Variants in INPP5D observed in about 807,000 individuals in gnomAD.
INPP5D encodes phosphatidylinositol 3,4,5-trisphosphate 5-phosphatase 1.
Under a neutral mutation model 122.9 loss-of-function variants are expected in INPP5D, and 33 were observed. The observed-to-expected ratio is 0.27, with a 90% CI of 0.20 to 0.36. INPP5D has a LOEUF of 0.36. INPP5D is among the 10% of genes least tolerant of loss of function. The probability of loss-of-function intolerance (pLI) is 1.00; values close to 1 mark genes in which losing one functional copy is unlikely to be tolerated. For missense variants in INPP5D, 1,053 were observed against 1,412.7 expected (o/e 0.75, Z 4.08); for synonymous variants, 584 against 576.2 (o/e 1.01, Z -0.19).
At chr2:233,124,070 T>A (rs1034918530) in intron 3 of INPP5D, among the ~76,000 whole-genome samples, 2 of 152,040 alleles carry the variant, frequency 1.3e-5, no homozygotes, top group African/African-American at 4.8e-5. Context: ...TAAGTTTACT[T>A]ATGTAACAAA....
chr2:233,126,512 A>G (rs73105541), intron 4 of INPP5D, among the ~76,000 whole-genome samples: 10,051 of 152,240 alleles, frequency 0.066, 531 homozygotes, highest in East Asian at 0.18. Flanking sequence ...TCCAGCCTGA[A>G]TTCTGTGCAC....
intron 2 of INPP5D, among the ~76,000 whole-genome samples, chr2:233,090,490 T>A (rs566042043): frequency 6.6e-6 from 1 of 152,230 alleles, no homozygotes; most frequent in East Asian, 1.9e-4. Flanking sequence ...GGAAAAAGGA[T>A]CTGAAATCTT....
intron 18 of INPP5D, among the ~76,000 whole-genome samples, chr2:233,181,672 C>A (rs1694788568): frequency 6.6e-6 from 1 of 152,164 alleles, no homozygotes; most frequent in African/African-American, 2.4e-5. Context: ...GAGTTTTCTA[C>A]ACTTAGCGTC....
In INPP5D at chr2:233,125,868, C is replaced by A. The variant is rs749177559; in HGVS notation, c.473C>A (p.Pro158Gln). Reference protein sequence around the residue: ...ENPRATETSRPSLSETLFQRL... With the variant: ...ENPRATETSRQSLSETLFQRL... Reference sequence around the variant, plus strand: ...CCCCGAGCGACCGAGACCAGCCGGCCGAGCCTCTCCGAGACATTGTTCCAG... The same window carrying A: ...CCCCGAGCGACCGAGACCAGCCGGCAGAGCCTCTCCGAGACATTGTTCCAG... The change falls in exon 4 of 27, where the codon CCG becomes CAG. Residue 158 changes from proline (P) to glutamine (Q), a missense_variant. By Grantham distance (76) the Pro-to-Gln change is moderately conservative (BLOSUM62 -1). This residue lies in a region of INPP5D where 196 missense variants were observed against 175.6 expected (regional missense o/e 1.12). Transcript: ENST00000445964. 6.2e-7 allele frequency: 1 copy of A among 1,606,366 alleles called. No individual in the cohort carries two copies. The highest frequency in any genetic ancestry group is 1.1e-5 in the South Asian group (1 of 90,624).
intron 23 of INPP5D, 151 bp from the exon 24 acceptor site, chr2:233,195,248 G>C: frequency 8.8e-7 from 1 of 1,133,960 alleles, no homozygotes; most frequent in South Asian, 1.4e-5. Context: ...TGAACTCTTA[G>C]GAGGCCTCAG....
intron 25 of INPP5D, among the ~76,000 whole-genome samples, chr2:233,200,248 C>T (rs1008225676): frequency 5.3e-5 from 8 of 152,256 alleles, no homozygotes; most frequent in African/African-American, 1.9e-4. Flanking sequence ...GCTGCTGGAA[C>T]AGAGCAGAGC....
At chr2:233,179,604 C>T (rs373354381) in intron 18 of INPP5D, among the ~76,000 whole-genome samples, 68 of 152,322 alleles carry the variant, frequency 4.5e-4, no homozygotes, top group Middle Eastern at 3.4e-3. Flanking sequence ...AAACAAGCCT[C>T]ACCAGAGAGG....
chr2:233,182,528 GT>G, intron 19 of INPP5D, 29 bp downstream of exon 19: 1 of 1,610,582 alleles, frequency 6.2e-7, no homozygotes. Context: ...CTGTTTCTCT[GT>G]TTTCCTCAAT....
chr2:233,136,199 C>G (rs548252413), intron 5 of INPP5D, among the ~76,000 whole-genome samples: 1 of 152,180 alleles, frequency 6.6e-6, no homozygotes, highest in Non-Finnish European at 1.5e-5. Flanking sequence ...AATAGAAGGC[C>G]GGGCCTAGTG....
Position 233,204,569 on chromosome 2 carries a change from G to A in INPP5D, c.3419G>A (p.Arg1140Gln). 1.3e-6 allele frequency: 2 copies of A among 1,565,714 alleles called. No homozygotes were observed. Among genetic ancestry groups the A allele is most frequent in the Non-Finnish European group, 1.7e-6 (2 of 1,156,678 alleles). ...CAGACCCCGCCCACCCCGACGCCGC[G>A]GCCGCCGCTGCCAGTCAAGAGCCCG... ...NQQTPPTPTP[R>Q]PPLPVKSPAV... is the part of the protein sequence containing the mutation. Residue 1140 changes from arginine to glutamine, a missense_variant, in exon 26 of 27, where the codon CGG (arginine) becomes CAG (glutamine). Arg to Gln is a conservative substitution (Grantham distance 43). Transcript: ENST00000445964.
intron 20 of INPP5D, 106 bp from the exon 21 acceptor site, chr2:233,185,737 A>AAAAT: frequency 1.1e-6 from 1 of 951,174 alleles, no homozygotes; most frequent in Non-Finnish European, 1.3e-6. Flanking sequence ...AAAAAAAAAA[A>AAAAT]GGAGAGAGCA....
intron 2 of INPP5D, among the ~76,000 whole-genome samples, chr2:233,119,716 A>G (rs1049385575): frequency 5.3e-5 from 8 of 152,288 alleles, no homozygotes; most frequent in South Asian, 2.1e-4. Context: ...GCCCAGATGG[A>G]CAGCCCTGAA....
chr2:233,114,869 CA>C (rs1399588890), intron 2 of INPP5D, among the ~76,000 whole-genome samples: 2 of 145,648 alleles, frequency 1.4e-5, no homozygotes, highest in African/African-American at 5.2e-5. Flanking sequence ...GGTTTGTTTC[CA>C]CTTTTTTTTT....
intron 2 of INPP5D, among the ~76,000 whole-genome samples, chr2:233,079,758 G>A (rs10199700): frequency 0.56 from 85,149 of 151,974 alleles, 27,259 homozygotes; most frequent in Non-Finnish European, 0.72. Context: ...TCAGGAGGGA[G>A]AGAAGGGAGG....
intron 2 of INPP5D, chr2:233,120,641 A>T (rs1388323393): frequency 6.6e-6 from 1 of 152,272 alleles, no homozygotes; most frequent in Non-Finnish European, 1.5e-5. Flanking sequence ...TCATTCCTGT[A>T]CCTACCAACA....
intron 25 of INPP5D, among the ~76,000 whole-genome samples, chr2:233,202,971 C>G (rs1457031008): frequency 6.6e-6 from 1 of 152,210 alleles, no homozygotes; most frequent in Non-Finnish European, 1.5e-5. Context: ...CCACAGCCAC[C>G]ACGTGTTCCT....
In INPP5D at chr2:233,170,512, T is replaced by A; in HGVS notation, c.1808T>A (p.Ile603Asn). 6.2e-7 allele frequency: 1 copy of A among 1,613,408 alleles called. No individual in the cohort carries two copies. The highest frequency in any genetic ancestry group is 2.2e-5 in the East Asian group (1 of 44,832). Reference sequence around the variant, plus strand: ...TTGTTCCAGGAGGCAGAAACCATCATCCAGAAAATCAAGCAGCAGCAGTAC... The same window carrying A: ...TTGTTCCAGGAGGCAGAAACCATCAACCAGAAAATCAAGCAGCAGCAGTAC... ...DLPTWEAETI[I>N]QKIKQQQYAD... The change falls in exon 16 of 27, where the codon ATC becomes AAC. Residue 603 changes from isoleucine (I) to asparagine (N), a missense_variant. Ile to Asn is a moderately radical substitution (Grantham distance 149). Around this residue, in one of 6 missense-constraint regions of INPP5D, gnomAD observed 258 missense variants for 439.1 expected, o/e 0.59. Coordinates refer to ENST00000445964, the MANE Select transcript of INPP5D (RefSeq NM_001017915.3). This position sits in a 1 kb window ranked among gnomAD's most constrained non-coding sequence, Gnocchi z 4.5.
intron 2 of INPP5D, among the ~76,000 whole-genome samples, chr2:233,121,330 G>A (rs1267742360): frequency 6.6e-6 from 1 of 151,168 alleles, no homozygotes; most frequent in Non-Finnish European, 1.5e-5. Context: ...CTGGGTTTGA[G>A]TTTCATCATG....
rs1694665568 is a variant in INPP5D, at chr2:233,177,355, A to G, written c.2071+9A>G. Reference sequence around the variant, plus strand: ...GGTGTGTCAGTCTTATGGTGAGTTCAAACACTGGGGAAAGCAGAACAGGAT... The same window carrying G: ...GGTGTGTCAGTCTTATGGTGAGTTCGAACACTGGGGAAAGCAGAACAGGAT... On this transcript the variant is annotated intron_variant, in intron 18 of 26. Transcript: ENST00000445964. This position sits in a 1 kb window ranked among gnomAD's most constrained non-coding sequence, Gnocchi z 4.2. The G allele has an allele frequency of 6.2e-7, 1 of 1,613,754 alleles. No homozygotes were observed. Among genetic ancestry groups the G allele is most frequent in the Non-Finnish European group, 8.5e-7 (1 of 1,179,754 alleles).
Sources: gnomAD v4.1 joint callset for allele counts (sites outside exome capture counted in the v4.1 genomes callset) on GRCh38, gnomAD v4.1.1 for gene constraint, gnomAD v4.1.1 regional missense constraint, Gnocchi (gnomAD v3.1) non-coding constraint, MANE v1.5 for transcripts, NCBI Gene and HGNC (gene_info 2026-07-23, HGNC 2026-07-21) for gene names.